Variants in HEMK2 observed in about 807,000 individuals in gnomAD.
HEMK2 encodes methyltransferase HEMK2.
the HEMK2 span, among the ~76,000 whole-genome samples, chr21:28,645,122 G>T: frequency 6.6e-6 from 1 of 152,032 alleles, no homozygotes; most frequent in African/African-American, 2.4e-5. Context: ...CCTCCTTTTG[G>T]GAGTTCCAGA....
At chr21:28,776,263 G>A in the HEMK2 span, among the ~76,000 whole-genome samples, 3 of 152,206 alleles carry the variant, frequency 2.0e-5, no homozygotes, top group Non-Finnish European at 2.9e-5. Flanking sequence ...AGAATCTCTT[G>A]TGCCTTCTAT....
chr21:28,584,871 C>T, the HEMK2 span, among the ~76,000 whole-genome samples: 1 of 152,014 alleles, frequency 6.6e-6, no homozygotes, highest in East Asian at 1.9e-4. Flanking sequence ...AGAACTAAGT[C>T]ATCTACCATG....
At chr21:28,624,636 T>C in the HEMK2 span, among the ~76,000 whole-genome samples, 1 of 152,182 alleles carries the variant, frequency 6.6e-6, no homozygotes, top group Admixed American at 6.5e-5. Flanking sequence ...CTATGATTAT[T>C]TGGGATCTAG....
At chr21:28,656,884 A>G in the HEMK2 span, among the ~76,000 whole-genome samples, 1 of 152,088 alleles carries the variant, frequency 6.6e-6, no homozygotes. Context: ...TAACTCTCTG[A>G]TCCTTCATTT....
At chr21:28,757,917 T>G in the HEMK2 span, among the ~76,000 whole-genome samples, 12 of 152,174 alleles carry the variant, frequency 7.9e-5, no homozygotes, top group African/African-American at 2.2e-4. Context: ...GGAATGAATT[T>G]CTCCATTCCA....
At chr21:28,834,159 G>C in the HEMK2 span, among the ~76,000 whole-genome samples, 1 of 152,184 alleles carries the variant, frequency 6.6e-6, no homozygotes, top group African/African-American at 2.4e-5. Context: ...TGGCAGATGG[G>C]AGGTAGGACT....
At chr21:28,779,325 G>A in the HEMK2 span, among the ~76,000 whole-genome samples, 2 of 152,188 alleles carry the variant, frequency 1.3e-5, no homozygotes, top group Non-Finnish European at 2.9e-5. Context: ...GAACACAGAT[G>A]AATGTGGAGG....
the HEMK2 span, among the ~76,000 whole-genome samples, chr21:28,659,439 T>C: frequency 6.6e-6 from 1 of 152,086 alleles, no homozygotes; most frequent in African/African-American, 2.4e-5. Flanking sequence ...TTTCTCATTT[T>C]TCAGCACCTT....
chr21:28,855,186 TA>T, the HEMK2 span, among the ~76,000 whole-genome samples: 30 of 144,098 alleles, frequency 2.1e-4, no homozygotes, highest in East Asian at 1.0e-3. Context: ...AAGCAAACAG[TA>T]AAAAAAAAAG....
chr21:28,798,102 G>A, the HEMK2 span, among the ~76,000 whole-genome samples: 17 of 152,184 alleles, frequency 1.1e-4, no homozygotes, highest in African/African-American at 4.1e-4. Flanking sequence ...TTATCTTTCC[G>A]CTCTCCCTTC....
At chr21:28,593,400 C>T in the HEMK2 span, among the ~76,000 whole-genome samples, 5 of 152,124 alleles carry the variant, frequency 3.3e-5, no homozygotes, top group Admixed American at 6.5e-5. Context: ...AACCTGTATA[C>T]GTGGATTAGT....
chr21:28,841,622 A>C, the HEMK2 span, among the ~76,000 whole-genome samples: 3 of 148,782 alleles, frequency 2.0e-5, no homozygotes, highest in African/African-American at 7.4e-5. Context: ...AGCTATGAGG[A>C]CACAAAGGCA....
chr21:28,613,619 CTTTTTTTTTTTT>C, the HEMK2 span, among the ~76,000 whole-genome samples: 7 of 82,696 alleles, frequency 8.5e-5, no homozygotes, highest in Admixed American at 4.6e-4. Context: ...TCTGCATATT[CTTTTTTTTTTTT>C]TTTTTTTTTT....
chr21:28,783,917 G>T, the HEMK2 span, among the ~76,000 whole-genome samples: 4 of 152,206 alleles, frequency 2.6e-5, no homozygotes, highest in African/African-American at 9.6e-5. Flanking sequence ...GCTGCAGAGG[G>T]TGCGCCAGGT....
At chr21:28,874,702 T>TG in the HEMK2 span, 3 of 152,254 alleles carry the variant, frequency 2.0e-5, no homozygotes, top group Admixed American at 2.0e-4. Flanking sequence ...AGCATTCACA[T>TG]GGGGCACAAA....
chr21:28,833,799 AT>A, the HEMK2 span, among the ~76,000 whole-genome samples: 1 of 152,092 alleles, frequency 6.6e-6, no homozygotes, highest in Non-Finnish European at 1.5e-5. Context: ...GAGTCACTAA[AT>A]TTTTTTAAGT....
At chr21:28,702,980 TA>T in the HEMK2 span, among the ~76,000 whole-genome samples, 3 of 151,892 alleles carry the variant, frequency 2.0e-5, no homozygotes, top group Non-Finnish European at 2.9e-5. Context: ...TACACAGCCA[TA>T]AAAAAAGAAT....
the HEMK2 span, among the ~76,000 whole-genome samples, chr21:28,748,965 T>G: frequency 6.9e-6 from 1 of 143,940 alleles, no homozygotes; most frequent in East Asian, 2.1e-4. Flanking sequence ...CCAATAAACA[T>G]CACATACTTT....
the HEMK2 span, among the ~76,000 whole-genome samples, chr21:28,836,272 G>A: frequency 6.6e-6 from 1 of 152,128 alleles, no homozygotes; most frequent in Non-Finnish European, 1.5e-5. Flanking sequence ...AAACCTATCA[G>A]ATTAACAGCA....
Sources: gnomAD v4.1 joint callset for allele counts (sites outside exome capture counted in the v4.1 genomes callset) on GRCh38, gnomAD v4.1.1 for gene constraint, MANE v1.5 for transcripts, NCBI Gene and HGNC (gene_info 2026-07-23, HGNC 2026-07-21) for gene names.